The following SLCO1C1 variants were observed in gnomAD, a reference collection of about 807,000 sequenced individuals.
The protein encoded by SLCO1C1 is OAT-RP-5.
A neutral mutation model predicts 76.4 loss-of-function variants in SLCO1C1; 70 were observed. The ratio of observed to expected loss-of-function variants is 0.92; its 90% CI spans 0.76 to 1.12. The LOEUF (loss-of-function observed/expected upper bound fraction) is 1.12. SLCO1C1 is among the 50% of genes most tolerant of loss of function. The pLI, the probability that SLCO1C1 is intolerant of heterozygous loss-of-function variation, is 0.00. For synonymous variants in SLCO1C1, 306 were observed against 286.1 expected, an observed-to-expected ratio of 1.07 and a Z score of -0.70; for missense variants, 912 against 823.8, an observed-to-expected ratio of 1.11 and a Z score of -1.31.
At chr12:20,698,818 G>A (rs1299721950) in intron 1 of SLCO1C1, among the ~76,000 whole-genome samples, 3 of 152,148 alleles carry the variant, frequency 2.0e-5, no homozygotes, top group South Asian at 4.1e-4. Context: ...AGAAGTAGGG[G>A]CACAGGATAT....
chr12:20,715,865 T>C (rs1947338807), intron 6 of SLCO1C1, among the ~76,000 whole-genome samples: 1 of 152,182 alleles, frequency 6.6e-6, no homozygotes, highest in Admixed American at 6.5e-5. Context: ...GCTAAAAATC[T>C]GAAAAACCAA....
chr12:20,699,536 A>T lies in SLCO1C1; in HGVS notation c.-25-16A>T. The T allele has an allele frequency of 6.5e-7, 1 of 1,539,366 alleles. No individual in the cohort carries two copies. The highest frequency in any genetic ancestry group is 8.7e-7 in the Non-Finnish European group (1 of 1,149,680). ...TAGTATTTATTTATTTTTACTTTAA[A>T]AACTAACTTTGACAGATCAGAGTCA... On this transcript the variant is annotated splice_polypyrimidine_tract_variant and intron_variant, in intron 1 of 14. Coordinates refer to ENST00000266509, the MANE Select transcript of SLCO1C1 (RefSeq NM_017435.5).
intron 1 of SLCO1C1, among the ~76,000 whole-genome samples, chr12:20,698,100 C>G (rs1787556561): frequency 6.6e-6 from 1 of 151,882 alleles, no homozygotes; most frequent in South Asian, 2.1e-4. Flanking sequence ...TCCATTAAGT[C>G]AAGATATTAA....
At chr12:20,727,721 G>GTTA (rs1948089957) in intron 9 of SLCO1C1, among the ~76,000 whole-genome samples, 1 of 152,162 alleles carries the variant, frequency 6.6e-6, no homozygotes, top group South Asian at 2.1e-4. Context: ...GTGTTAGCCA[G>GTTA]GATGGTCTCA....
intron 11 of SLCO1C1, among the ~76,000 whole-genome samples, chr12:20,738,818 T>C (rs1182320150): frequency 6.6e-6 from 1 of 152,176 alleles, no homozygotes; most frequent in East Asian, 1.9e-4. Flanking sequence ...ATTTTCTTCA[T>C]GTGAGAACTG....
Position 20,736,963 on chromosome 12 carries a change from G to T in SLCO1C1, c.1383-144G>T, listed in dbSNP as rs1948574120. On this transcript the variant is annotated intron_variant, in intron 10 of 14. Coordinates refer to ENST00000266509, the MANE Select transcript of SLCO1C1 (RefSeq NM_017435.5). ...AACTCACATTTCATGACCAGAAGCT[G>T]CCATTTCTGATGACAACTGTGTTTC... 5.4e-6 allele frequency: 3 copies of T among 556,448 alleles called. No individual in the cohort carries two copies. In the South Asian group the frequency reaches 1.1e-4, roughly 21 times the overall value. 34.5% of individuals were successfully genotyped at this position (556,448 alleles called of 1,614,324 possible).
chr12:20,752,705 G>C lies in SLCO1C1; in HGVS notation c.*177G>C, dbSNP rs1949369990. 2.4e-6 allele frequency: 1 copy of C among 409,008 alleles called. No homozygotes were observed. Among genetic ancestry groups the C allele is most frequent in the East Asian group, 3.7e-5 (1 of 27,332 alleles). The allele number at this position is 409,008 out of a possible 1,614,324, so 25.3% of individuals were successfully genotyped here. On this transcript the variant is annotated 3_prime_UTR_variant, in exon 15 of 15. Transcript: ENST00000266509. ...TAATATACTGAAACATATAATGGAA[G>C]ATGCAGATGATAAAACTAATTTTGA...
intron 5 of SLCO1C1, 124 bp downstream of exon 5, chr12:20,711,634 T>G: frequency 1.1e-6 from 1 of 939,540 alleles, no homozygotes; most frequent in African/African-American, 1.7e-5. Flanking sequence ...AATTGAGATA[T>G]CACAGTACCA....
chr12:20,717,321 T>A, intron 7 of SLCO1C1, 91 bp downstream of exon 7: 1 of 995,046 alleles, frequency 1.0e-6, no homozygotes, highest in Non-Finnish European at 1.5e-6. Flanking sequence ...ATTGCCTTTT[T>A]ATAAAATGAT....
At chr12:20,735,086 T>G (rs1948477774) in intron 10 of SLCO1C1, among the ~76,000 whole-genome samples, 1 of 152,202 alleles carries the variant, frequency 6.6e-6, no homozygotes, top group Non-Finnish European at 1.5e-5. Context: ...TCCCAATGAT[T>G]CCTGCCCCTG....
chr12:20,711,910 T>C (rs905427875), intron 5 of SLCO1C1, among the ~76,000 whole-genome samples: 2 of 152,176 alleles, frequency 1.3e-5, no homozygotes, highest in Non-Finnish European at 2.9e-5. Flanking sequence ...ATGGCAAAAA[T>C]GTAATCTCAA....
At chr12:20,711,347 T>G (rs1229827145) in intron 4 of SLCO1C1, 39 bp from the exon 5 acceptor site, 1 of 1,598,714 alleles carries the variant, frequency 6.3e-7, no homozygotes, top group Non-Finnish European at 8.5e-7. Context: ...AGTATGATGT[T>G]AATGAGTCTA....
intron 6 of SLCO1C1, among the ~76,000 whole-genome samples, chr12:20,716,808 A>T (rs534720800): frequency 6.6e-6 from 1 of 152,330 alleles, no homozygotes; most frequent in East Asian, 1.9e-4. Context: ...CAAAATTAAT[A>T]CAATTCTAAT....
rs138602162 is a variant in SLCO1C1, at chr12:20,707,580, A to G, written c.404+1499A>G. Among the ~76,000 whole-genome samples the G allele has an allele frequency of 4.6e-5, 7 of 152,284 alleles. No individual in the cohort carries two copies. In the East Asian group the frequency reaches 1.4e-3, roughly 29 times the overall value. On this transcript the variant is annotated intron_variant, in intron 4 of 14. Coordinates refer to ENST00000266509, the MANE Select transcript of SLCO1C1 (RefSeq NM_017435.5). ...GCATCTTAAAACAGGTATTAAAAATAATTCCTAGCTGATAATGCCATTGCA... is the reference window on the plus strand; with the variant it reads ...GCATCTTAAAACAGGTATTAAAAATGATTCCTAGCTGATAATGCCATTGCA...
chr12:20,696,925 G>C (rs572340831), intron 1 of SLCO1C1: 1 of 152,150 alleles, frequency 6.6e-6, no homozygotes, highest in South Asian at 2.1e-4. Context: ...AGTGCCAATA[G>C]TTTAAGCTGG....
intron 9 of SLCO1C1, among the ~76,000 whole-genome samples, chr12:20,726,541 T>C (rs1267648982): frequency 2.0e-5 from 3 of 152,156 alleles, no homozygotes; most frequent in African/African-American, 7.2e-5. Context: ...TAAAGGAAAA[T>C]AAATGACAAT....
intron 10 of SLCO1C1, 41 bp from the exon 11 acceptor site, chr12:20,737,066 T>A: frequency 7.1e-7 from 1 of 1,416,710 alleles, no homozygotes. Flanking sequence ...GGGTGCTACC[T>A]GCTAAGAGGT....
intron 7 of SLCO1C1, among the ~76,000 whole-genome samples, chr12:20,720,768 C>T (rs1056321548): frequency 1.3e-5 from 2 of 152,098 alleles, no homozygotes; most frequent in African/African-American, 2.4e-5. Flanking sequence ...GAGGCCAAGG[C>T]GGGCAGATCA....
intron 9 of SLCO1C1, among the ~76,000 whole-genome samples, chr12:20,727,742 C>T (rs1195570659): frequency 2.6e-5 from 4 of 152,212 alleles, no homozygotes; most frequent in African/African-American, 7.2e-5. Flanking sequence ...ATCTCCTGAC[C>T]TTGTGATCTG....
Sources: allele counts gnomAD v4.1 joint callset (sites outside exome capture counted in the v4.1 genomes callset), GRCh38; gene constraint gnomAD v4.1.1; transcripts MANE v1.5; gene names NCBI Gene and HGNC (gene_info 2026-07-23, HGNC 2026-07-21).